The following ADAM12 variants were observed in gnomAD, a reference collection of about 807,000 sequenced individuals.
ADAM12 encodes disintegrin and metalloproteinase domain-containing protein 12.
A neutral mutation model predicts 106.4 loss-of-function variants in ADAM12; 70 were observed. That is an observed-to-expected ratio of 0.66 (90% CI 0.54 to 0.80). The LOEUF (loss-of-function observed/expected upper bound fraction) is 0.80. Ranked by LOEUF, ADAM12 falls within the 30% of genes least tolerant of loss-of-function variation. The pLI, the probability that ADAM12 is intolerant of heterozygous loss-of-function variation, is 0.00. For missense variants in ADAM12, 1,010 were observed against 1,171.9 expected (o/e 0.86, Z 2.02); for synonymous variants, 420 against 433.5 (o/e 0.97, Z 0.39).
At chr10:126,063,915 C>A (rs1248635460) in intron 14 of ADAM12, among the ~76,000 whole-genome samples, 1 of 152,188 alleles carries the variant, frequency 6.6e-6, no homozygotes, top group East Asian at 1.9e-4. Context: ...GCTTCTGCTT[C>A]ATTTTGGAGC....
At chr10:126,253,211 C>T (rs1442222612) in intron 3 of ADAM12, among the ~76,000 whole-genome samples, 1 of 152,136 alleles carries the variant, frequency 6.6e-6, no homozygotes, top group Non-Finnish European at 1.5e-5. Context: ...TTTCTGACCA[C>T]TCTTGACATT....
intron 2 of ADAM12, among the ~76,000 whole-genome samples, chr10:126,279,453 G>A (rs1411795796): frequency 8.6e-6 from 1 of 116,790 alleles, no homozygotes; most frequent in Non-Finnish European, 1.7e-5. Flanking sequence ...AAACAAGCCT[G>A]TAATCCCAGC....
At chr10:126,287,713 C>T (rs1177638073) in intron 2 of ADAM12, among the ~76,000 whole-genome samples, 4 of 152,072 alleles carry the variant, frequency 2.6e-5, no homozygotes, top group Non-Finnish European at 5.9e-5. Context: ...GTGGCTTAAC[C>T]TCCAGGCACT....
intron 1 of ADAM12, among the ~76,000 whole-genome samples, chr10:126,376,569 CA>C (rs2133928637): frequency 6.6e-6 from 1 of 152,244 alleles, no homozygotes; most frequent in African/African-American, 2.4e-5. Context: ...ATATATCTTA[CA>C]AAGATGCACA....
At chr10:126,017,753 G>T (rs563848516) in intron 22 of ADAM12, among the ~76,000 whole-genome samples, 11 of 152,222 alleles carry the variant, frequency 7.2e-5, no homozygotes, top group South Asian at 2.1e-4. Flanking sequence ...TTTACCAGGC[G>T]CAACATGCCT....
At position 126,022,450 on chromosome 10, in the gene ADAM12, C is replaced by T. The variant is rs189313924; in HGVS notation, c.2530-2625G>A. Among the ~76,000 whole-genome samples the T allele has an allele frequency of 5.9e-3, 901 of 152,284 alleles. 8 individuals carry two copies. Among genetic ancestry groups the T allele is most frequent in the African/African-American group, 0.02 (849 of 41,550 alleles). Reference sequence around the variant, plus strand: ...GCCTAGGTAAGATGCTGGCTTCCTGCCAGGGCTTAACTGGGACAGAATGGC... The same window carrying T: ...GCCTAGGTAAGATGCTGGCTTCCTGTCAGGGCTTAACTGGGACAGAATGGC... On this transcript the variant is annotated intron_variant, in intron 21 of 22. Coordinates refer to ENST00000448723, the MANE Select transcript of ADAM12 (RefSeq NM_001288973.2).
At chr10:126,302,522 A>C (rs1269452319) in intron 2 of ADAM12, among the ~76,000 whole-genome samples, 1 of 152,148 alleles carries the variant, frequency 6.6e-6, no homozygotes, top group East Asian at 1.9e-4. Context: ...GGAAGATTTC[A>C]CCCCTTTCGT....
At chr10:126,229,969 G>A (rs1958277983) in intron 3 of ADAM12, among the ~76,000 whole-genome samples, 1 of 152,100 alleles carries the variant, frequency 6.6e-6, no homozygotes, top group Non-Finnish European at 1.5e-5. Context: ...AGCAGTGTTT[G>A]GCCCTTAAGG....
intron 3 of ADAM12, among the ~76,000 whole-genome samples, chr10:126,273,702 C>A (rs527952492): frequency 2.4e-4 from 36 of 152,228 alleles, no homozygotes; most frequent in African/African-American, 8.2e-4. Context: ...GTAGGCATAA[C>A]CTGATTTCCA....
At chr10:126,062,438 T>G (rs1414039093) in intron 14 of ADAM12, among the ~76,000 whole-genome samples, 1 of 152,036 alleles carries the variant, frequency 6.6e-6, no homozygotes, top group Non-Finnish European at 1.5e-5. Flanking sequence ...AGCCTCCCCC[T>G]CCATCATGGG....
rs79251328 is a variant in ADAM12 at position 126,130,416 on chromosome 10, T to C, written c.416+5168A>G. Among the ~76,000 whole-genome samples the C allele has an allele frequency of 7.9e-3, 1,206 of 152,278 alleles. 47 individuals carry two copies. The East Asian group carries it at 0.12, about 16-fold the overall frequency. On this transcript the variant is annotated intron_variant, in intron 5 of 22. Coordinates refer to ENST00000448723, the MANE Select transcript of ADAM12 (RefSeq NM_001288973.2). ...AGAAGCGCCCACAGTGAGGAGTTCA[T>C]TAGACCCACACAGCGTTCCTCATCA...
intron 1 of ADAM12, among the ~76,000 whole-genome samples, chr10:126,364,514 T>C (rs1590828607): frequency 6.6e-6 from 1 of 152,178 alleles, no homozygotes; most frequent in East Asian, 1.9e-4. Context: ...AGATATATCA[T>C]TACTAAAATA....
At chr10:126,187,876 T>G (rs1957428090) in intron 3 of ADAM12, among the ~76,000 whole-genome samples, 1 of 152,214 alleles carries the variant, frequency 6.6e-6, no homozygotes, top group Admixed American at 6.5e-5. Context: ...CTACTCTGAG[T>G]ACCAGATGAC....
chr10:126,156,772 A>G (rs11244848), intron 3 of ADAM12, among the ~76,000 whole-genome samples: 40,249 of 152,168 alleles, frequency 0.26, 5,754 homozygotes, highest in South Asian at 0.48. Flanking sequence ...GGCCCAGGAC[A>G]GGGTGGAAGG....
intron 2 of ADAM12, among the ~76,000 whole-genome samples, chr10:126,279,273 A>C (rs1959437066): frequency 2.0e-5 from 3 of 151,986 alleles, no homozygotes; most frequent in Non-Finnish European, 1.5e-5. Context: ...AAATAAAAAA[A>C]ATCAGAATAT....
chr10:126,325,172 C>A (rs1273766611), intron 2 of ADAM12, among the ~76,000 whole-genome samples: 2 of 152,012 alleles, frequency 1.3e-5, no homozygotes, highest in Non-Finnish European at 2.9e-5. Flanking sequence ...GTCTCAGGAG[C>A]CCAAAGAAGA....
intron 3 of ADAM12, among the ~76,000 whole-genome samples, chr10:126,166,662 G>A (rs1957030430): frequency 6.6e-6 from 1 of 151,884 alleles, no homozygotes; most frequent in African/African-American, 2.4e-5. Context: ...CCACACCCAG[G>A]TAATTTTTGT....
chr10:126,054,076 T>C (rs1954573158), intron 14 of ADAM12, among the ~76,000 whole-genome samples: 1 of 152,180 alleles, frequency 6.6e-6, no homozygotes, highest in Non-Finnish European at 1.5e-5. Flanking sequence ...GCTGACATTT[T>C]TTCTTCTGTT....
At chr10:126,376,482 A>C (rs1014362127) in intron 1 of ADAM12, among the ~76,000 whole-genome samples, 4 of 152,262 alleles carry the variant, frequency 2.6e-5, no homozygotes, top group Non-Finnish European at 5.9e-5. Flanking sequence ...TTTCATATTA[A>C]AAAGTTAAAA....
Sources: gnomAD v4.1 joint callset for allele counts (sites outside exome capture counted in the v4.1 genomes callset) on GRCh38, gnomAD v4.1.1 for gene constraint, MANE v1.5 for transcripts, NCBI Gene and HGNC (gene_info 2026-07-23, HGNC 2026-07-21) for gene names.